CHAMP1: variants seen among roughly 807,000 people sequenced by gnomAD.
CHAMP1 encodes chromosome alignment-maintaining phosphoprotein 1.
CHAMP1 carries 4 observed loss-of-function variants against 54.5 expected under a neutral mutation model. The observed-to-expected ratio is 0.07, with a 90% CI of 0.04 to 0.17. The LOEUF is 0.17. CHAMP1 is among the 10% of genes least tolerant of loss of function. The pLI is 1.00. For synonymous variants in CHAMP1, 368 were observed against 342.2 expected (o/e 1.08, Z -0.83); for missense variants, 994 against 968.6 (o/e 1.03, Z -0.35).
Position 114,323,962 on chromosome 13 carries a change from T to C in CHAMP1, c.120T>C (p.Phe40=), listed in dbSNP as rs1337936279. Residue 40 remains phenylalanine (F), a synonymous_variant, in exon 3 of 3, where the codon TTT becomes TTC. Coordinates refer to ENST00000361283, the MANE Select transcript of CHAMP1 (RefSeq NM_032436.4). ...ATATGGGTACCATCCATCCAGAATT[T>C]TGTGATGAAATGGATGCTGGTGGGC... ...QIHMGTIHPE[F]CDEMDAGGLG... 1 of 1,614,082 alleles carries C rather than the reference T, an allele frequency of 6.2e-7. No homozygotes were observed. The highest frequency in any genetic ancestry group is 8.5e-7 in the Non-Finnish European group (1 of 1,180,044).
chr13:114,324,501 C>G lies in CHAMP1; in HGVS notation c.659C>G (p.Ala220Gly). 3 of 1,614,208 alleles carry G rather than the reference C, an allele frequency of 1.9e-6. No individual in the cohort carries two copies. Among genetic ancestry groups the G allele is most frequent in the Non-Finnish European group, 2.5e-6 (3 of 1,180,044 alleles). Residue 220 changes from alanine (A) to glycine (G), a missense_variant, in exon 3 of 3, where the codon GCT becomes GGT. Coordinates refer to ENST00000361283, the MANE Select transcript of CHAMP1 (RefSeq NM_032436.4). ...PAPVSPESVK[A>G]TLSNPKPQKQ... Reference sequence around the variant, plus strand: ...CCTGTATCTCCTGAGTCAGTAAAGGCTACTCTTAGTAATCCCAAACCCCAG... The same window carrying G: ...CCTGTATCTCCTGAGTCAGTAAAGGGTACTCTTAGTAATCCCAAACCCCAG...
Position 114,315,369 on chromosome 13 carries a change from G to A in CHAMP1, c.-179+726G>A, listed in dbSNP as rs146307108. 3.7e-3 allele frequency among the ~76,000 whole-genome samples: 568 copies of A among 152,250 alleles called. 1 individual carries two copies. The highest frequency in any genetic ancestry group is 6.4e-3 in the Non-Finnish European group (433 of 68,012). On this transcript the variant is annotated intron_variant, in intron 1 of 2. Coordinates refer to ENST00000361283, the MANE Select transcript of CHAMP1 (RefSeq NM_032436.4). ...TATGGAAATTGGTAGTCGTTCCTCA[G>A]TTCTAGGTTTATACCCCCAAAAATT...
rs2087251464 is a variant in CHAMP1 at position 114,326,378 on chromosome 13, A to T, written c.*97A>T. On this transcript the variant is annotated 3_prime_UTR_variant, in exon 3 of 3. Coordinates refer to ENST00000361283, the MANE Select transcript of CHAMP1 (RefSeq NM_032436.4). ...TAGCATAGTTGGATCAGTAGATGAC[A>T]TGTATGGTGTACCGTGTTTCACTGT... 8.1e-6 allele frequency: 11 copies of T among 1,350,088 alleles called. No individual in the cohort carries two copies. The highest frequency in any genetic ancestry group is 1.1e-5 in the Non-Finnish European group (11 of 1,005,774). 83.6% of individuals were successfully genotyped at this position (1,350,088 alleles called of 1,614,324 possible). A position where few individuals can be genotyped will look rare whatever the true frequency, so the allele number is the denominator to read the frequency against.
In CHAMP1 at chr13:114,323,773, C is replaced by T. The variant is rs1004092408; in HGVS notation, c.-55-15C>T. On this transcript the variant is annotated splice_polypyrimidine_tract_variant and intron_variant, in intron 2 of 2. Coordinates refer to ENST00000361283, the MANE Select transcript of CHAMP1 (RefSeq NM_032436.4). ...TTACAGTTCATGAAAATAATTTATT[C>T]CTACTTTATTGCAGCAGTATTGAAA... is the stretch of plus-strand genomic sequence containing the variant. 19 of 1,500,742 alleles carry T rather than the reference C, an allele frequency of 1.3e-5. No individual in the cohort carries two copies. Among genetic ancestry groups the T allele is most frequent in the Non-Finnish European group, 1.6e-5 (18 of 1,119,828 alleles). 93.0% of individuals were successfully genotyped at this position (1,500,742 alleles called of 1,614,324 possible).
At chr13:114,316,226 C>A (rs976021098) in intron 1 of CHAMP1, among the ~76,000 whole-genome samples, 2 of 151,162 alleles carry the variant, frequency 1.3e-5, no homozygotes, top group Non-Finnish European at 2.9e-5. Context: ...TGCAGTTATG[C>A]GATCTTGGCC....
intron 1 of CHAMP1, among the ~76,000 whole-genome samples, chr13:114,315,466 C>T (rs2087085084): frequency 6.6e-6 from 1 of 152,090 alleles, no homozygotes. Flanking sequence ...TGTCTATCAA[C>T]ATGTGGATGA....
At position 114,323,945 on chromosome 13, in the gene CHAMP1, A is replaced by T; in HGVS notation, c.103A>T (p.Thr35Ser). Reference protein sequence around the residue: ...DYENVQIHMGTIHPEFCDEMD... With the variant: ...DYENVQIHMGSIHPEFCDEMD... ...TGAAAATGTACAAATCCATATGGGT[A>T]CCATCCATCCAGAATTTTGTGATGA... is the stretch of plus-strand genomic sequence containing the variant. Residue 35 changes from threonine to serine, a missense_variant, in exon 3 of 3, where the codon ACC becomes TCC. Physicochemically the swap from Thr to Ser is moderately conservative, Grantham distance 58 (BLOSUM62 1). Around this residue, in one of 3 missense-constraint regions of CHAMP1, gnomAD observed 84 missense variants for 120.7 expected, o/e 0.70. Transcript: ENST00000361283. 1.2e-6 allele frequency: 2 copies of T among 1,614,220 alleles called. No homozygotes were observed. The highest frequency in any genetic ancestry group is 1.7e-6 in the Non-Finnish European group (2 of 1,180,040).
Position 114,323,889 on chromosome 13 carries a change from G to A in CHAMP1, c.47G>A (p.Cys16Tyr). The A allele has an allele frequency of 1.2e-6, 2 of 1,613,606 alleles. No individual in the cohort carries two copies. Among genetic ancestry groups the A allele is most frequent in the Non-Finnish European group, 1.7e-6 (2 of 1,179,588 alleles). ...ELRKPSARLE[C>Y]DHCSFRGTDY... is the part of the protein sequence containing the mutation. ...CGTAAACCATCAGCACGTTTGGAGT[G>A]TGACCATTGCAGTTTCAGAGGCACA... Residue 16 changes from cysteine (C) to tyrosine (Y), a missense_variant, in exon 3 of 3, where the codon TGT becomes TAT. By Grantham distance (194) the Cys-to-Tyr change is radical. Coordinates refer to ENST00000361283, the MANE Select transcript of CHAMP1 (RefSeq NM_032436.4).
At chr13:114,318,100 G>A (rs1388644917) in intron 1 of CHAMP1, among the ~76,000 whole-genome samples, 1 of 152,118 alleles carries the variant, frequency 6.6e-6, no homozygotes, top group African/African-American at 2.4e-5. Context: ...TAACATCTTC[G>A]TGGATCGTTC....
Position 114,325,558 on chromosome 13 carries a change from A to G in CHAMP1, c.1716A>G (p.Ser572=). The change falls in exon 3 of 3, where the codon TCA becomes TCG. Residue 572 remains serine, a synonymous_variant. Coordinates refer to ENST00000361283, the MANE Select transcript of CHAMP1 (RefSeq NM_032436.4). ...CCAAATCTGCTCTATTCTCAGAATCACAGAAGGCTGTTGAGCTTGGTGATG... is the reference window on the plus strand; with the variant it reads ...CCAAATCTGCTCTATTCTCAGAATCGCAGAAGGCTGTTGAGCTTGGTGATG... ...ELPKSALFSE[S]QKAVELGDEL... is the part of the protein sequence containing the mutation. The G allele has an allele frequency of 6.2e-7, 1 of 1,614,164 alleles. No individual in the cohort carries two copies. Among genetic ancestry groups the G allele is most frequent in the South Asian group, 1.1e-5 (1 of 91,078 alleles).
chr13:114,317,567 T>G (rs1478578942), intron 1 of CHAMP1, among the ~76,000 whole-genome samples: 2 of 151,658 alleles, frequency 1.3e-5, no homozygotes, highest in Non-Finnish European at 2.9e-5. Context: ...GAGGCTGCAG[T>G]GAGTTGTGAT....
intron 1 of CHAMP1, among the ~76,000 whole-genome samples, chr13:114,318,183 TC>T (rs1199122047): frequency 6.6e-6 from 1 of 152,200 alleles, no homozygotes; most frequent in Non-Finnish European, 1.5e-5. Flanking sequence ...AAAAAACTGT[TC>T]CCTCTGACCT....
At chr13:114,316,481 T>C (rs909419324) in intron 1 of CHAMP1, among the ~76,000 whole-genome samples, 2 of 151,168 alleles carry the variant, frequency 1.3e-5, no homozygotes, top group African/African-American at 4.9e-5. Context: ...TCCCAGCTAC[T>C]GGGGAGGCTG....
chr13:114,325,730 G>C lies in CHAMP1; in HGVS notation c.1888G>C (p.Glu630Gln). 1 of 1,614,118 alleles carries C rather than the reference G, an allele frequency of 6.2e-7. No homozygotes were observed. Among genetic ancestry groups the C allele is most frequent in the Non-Finnish European group, 8.5e-7 (1 of 1,180,030 alleles). The change falls in exon 3 of 3, where the codon GAG becomes CAG. Residue 630 changes from glutamate to glutamine, a missense_variant. Coordinates refer to ENST00000361283, the MANE Select transcript of CHAMP1 (RefSeq NM_032436.4). ...KKDNQESSDA[E>Q]LSSSEYIKTD... ...AGACAACCAAGAGAGCTCAGACGCT[G>C]AGCTTAGTAGTAGTGAGTACATAAA...
At chr13:114,323,587 A>C (rs2087199325) in intron 2 of CHAMP1, 2 of 419,136 alleles carry the variant, frequency 4.8e-6, no homozygotes, top group East Asian at 7.6e-5. Context: ...ATTAGGATTA[A>C]ATGAGATGAT....
Position 114,326,229 on chromosome 13 carries a change from A to G in CHAMP1, c.2387A>G (p.Asn796Ser), listed in dbSNP as rs1555380003. 5.0e-6 allele frequency: 8 copies of G among 1,595,942 alleles called. No individual in the cohort carries two copies. The highest frequency in any genetic ancestry group is 1.7e-4 in the Middle Eastern group (1 of 6,010). The stretch of plus-strand genomic sequence containing the variant: ...CAAAGCCGGCATAATGAAGAGGCAA[A>G]TAAAAAGCTAATGGAAGCTCTTGAA... ...HCQSRHNEEA[N>S]KKLMEALEPP... Residue 796 changes from asparagine to serine, a missense_variant, in exon 3 of 3, where the codon AAT becomes AGT. By Grantham distance (46) the Asn-to-Ser change is conservative. Around this residue, in one of 3 missense-constraint regions of CHAMP1, gnomAD observed 59 missense variants for 146.7 expected, o/e 0.40. Coordinates refer to ENST00000361283, the MANE Select transcript of CHAMP1 (RefSeq NM_032436.4).
In CHAMP1 at chr13:114,325,168, C is replaced by T. The variant is rs372468779; in HGVS notation, c.1326C>T (p.Pro442=). ...CAGGATCTCCAGAGCTCAGAAAACC[C>T]TCAGGGTCACCAGATCTTTGGAAGC... ...SPAGSPELRK[P]SGSPDLWKLS... The change falls in exon 3 of 3, where the codon CCC becomes CCT. Residue 442 remains proline, a synonymous_variant. Transcript: ENST00000361283. The T allele has an allele frequency of 3.0e-5, 48 of 1,614,066 alleles. No homozygotes were observed. The highest frequency in any genetic ancestry group is 3.9e-5 in the Non-Finnish European group (46 of 1,180,036).
intron 2 of CHAMP1, chr13:114,323,524 TTC>T (rs1229879343): frequency 5.6e-5 from 14 of 248,662 alleles, no homozygotes; most frequent in Non-Finnish European, 7.6e-6. Flanking sequence ...GTCAGGTAAC[TTC>T]TCTGAACCTG....
intron 1 of CHAMP1, among the ~76,000 whole-genome samples, chr13:114,317,274 C>G (rs2087110993): frequency 6.6e-6 from 1 of 152,104 alleles, no homozygotes; most frequent in African/African-American, 2.4e-5. Flanking sequence ...ATCCGCCTGC[C>G]TTGGCCTCCC....
Sources: gnomAD v4.1 joint callset for allele counts (sites outside exome capture counted in the v4.1 genomes callset) on GRCh38, gnomAD v4.1.1 for gene constraint, gnomAD v4.1.1 regional missense constraint, MANE v1.5 for transcripts, NCBI Gene and HGNC (gene_info 2026-07-23, HGNC 2026-07-21) for gene names.